The following LMO4 variants were observed in gnomAD, a reference collection of about 807,000 sequenced individuals.
LMO4 encodes LIM domain only 4.
LMO4 carries 3 observed loss-of-function variants against 18.5 expected under a neutral mutation model. That is an observed-to-expected ratio of 0.16 (90% CI 0.07 to 0.42). LMO4 has a LOEUF of 0.42. Ranked by LOEUF, LMO4 falls within the 10% of genes least tolerant of loss-of-function variation. The pLI is 0.99. For synonymous variants in LMO4, 100 were observed against 88.1 expected (o/e 1.14, Z -0.76); for missense variants, 121 against 219.9 (o/e 0.55, Z 2.84).
intron 1 of LMO4, 88 bp from the exon 2 acceptor site, chr1:87,331,925 A>G (rs1191212486): frequency 6.6e-6 from 7 of 1,067,880 alleles, no homozygotes; most frequent in Non-Finnish European, 9.7e-6. Context: ...GAGGAGGGGA[A>G]TGGGCTTGCT....
intron 3 of LMO4, 88 bp downstream of exon 3, chr1:87,339,720 A>G (rs903235584): frequency 1.7e-5 from 14 of 846,714 alleles, no homozygotes; most frequent in Admixed American, 1.6e-4. Flanking sequence ...CTTGGTATGA[A>G]CTGTTTTCTC....
At chr1:87,333,674 G>A (rs1650214468) in intron 2 of LMO4, among the ~76,000 whole-genome samples, 1 of 152,178 alleles carries the variant, frequency 6.6e-6, no homozygotes, top group Admixed American at 6.5e-5. Flanking sequence ...AGAAATACAG[G>A]AAGGGAGAGG....
intron 2 of LMO4, among the ~76,000 whole-genome samples, chr1:87,333,742 T>G (rs183095145): frequency 6.6e-6 from 1 of 152,280 alleles, no homozygotes; most frequent in Admixed American, 6.5e-5. Context: ...CTTTTAGAAG[T>G]AAATGTTGGA....
intron 2 of LMO4, among the ~76,000 whole-genome samples, chr1:87,338,838 G>A (rs1650392268): frequency 6.6e-6 from 1 of 152,224 alleles, no homozygotes; most frequent in South Asian, 2.1e-4. Flanking sequence ...CATTCAGTTT[G>A]TTGCTAGCAG....
In LMO4 at chr1:87,339,690, A is replaced by G. The variant is rs577307043; in HGVS notation, c.333+58A>G. The G allele has an allele frequency of 1.9e-5, 20 of 1,060,180 alleles. No homozygotes were observed. In the African/African-American group the frequency reaches 2.4e-4, roughly 13 times the overall value. The allele number at this position is 1,060,180 out of a possible 1,614,324, so 65.7% of individuals were successfully genotyped here. ...AAAAAATCATACCTTTCCTACCTAC[A>G]TGGGGGCAAAGCATTTCTCCTTGGT... On this transcript the variant is annotated intron_variant, in intron 3 of 4. Coordinates refer to ENST00000370544, the MANE Select transcript of LMO4 (RefSeq NM_006769.4).
rs1650687095 is a variant in LMO4, at chr1:87,348,145, T to C, written c.*3349T>C. On this transcript the variant is annotated 3_prime_UTR_variant, in exon 5 of 5. Transcript: ENST00000370544. ...AATATTTCTTAGGGCCCATAAATCATATAATAAACAGTGAACCCAAGAGCT... is the reference window on the plus strand; with the variant it reads ...AATATTTCTTAGGGCCCATAAATCACATAATAAACAGTGAACCCAAGAGCT... 6.6e-6 allele frequency: 1 copy of C among 152,462 alleles called. No homozygotes were observed. The allele number at this position is 152,462 out of a possible 1,614,324, so 9.4% of individuals were successfully genotyped here.
rs1570271610 is a variant in LMO4, at chr1:87,346,784, A to G, written c.*1988A>G. The stretch of plus-strand genomic sequence containing the variant: ...AGAAAATAATATGAAGAAATCACAT[A>G]TATATGTTTGAATTAGATGTCTGTT... On this transcript the variant is annotated 3_prime_UTR_variant, in exon 5 of 5. Coordinates refer to ENST00000370544, the MANE Select transcript of LMO4 (RefSeq NM_006769.4). 6.6e-6 allele frequency: 1 copy of G among 152,242 alleles called. No homozygotes were observed. The highest frequency in any genetic ancestry group is 1.5e-5 in the Non-Finnish European group (1 of 68,042). 9.4% of individuals were successfully genotyped at this position (152,242 alleles called of 1,614,324 possible).
intron 2 of LMO4, among the ~76,000 whole-genome samples, chr1:87,338,001 T>C (rs1650360571): frequency 6.6e-6 from 1 of 152,202 alleles, no homozygotes; most frequent in Admixed American, 6.5e-5. Flanking sequence ...TGAAATGGAG[T>C]TTTGATTGAA....
At chr1:87,337,542 T>A (rs2100561820) in intron 2 of LMO4, among the ~76,000 whole-genome samples, 1 of 152,344 alleles carries the variant, frequency 6.6e-6, no homozygotes, top group East Asian at 1.9e-4. Context: ...AGGATATTTG[T>A]TCTTTAGCCT....
At chr1:87,342,730 G>A (rs1650530957) in intron 4 of LMO4, among the ~76,000 whole-genome samples, 1 of 152,078 alleles carries the variant, frequency 6.6e-6, no homozygotes, top group African/African-American at 2.4e-5. Context: ...CAATTCACAA[G>A]GTAGTTTTTA....
At chr1:87,341,551 G>A (rs904394563) in intron 4 of LMO4, among the ~76,000 whole-genome samples, 20 of 152,186 alleles carry the variant, frequency 1.3e-4, no homozygotes, top group African/African-American at 4.6e-4. Flanking sequence ...TTCTTAGTGC[G>A]GTGGTGGAGG....
At chr1:87,342,502 TG>T (rs1418154142) in intron 4 of LMO4, among the ~76,000 whole-genome samples, 1 of 152,096 alleles carries the variant, frequency 6.6e-6, no homozygotes, top group African/African-American at 2.4e-5. Context: ...AACCTATTAG[TG>T]TATGTTTTCT....
At chr1:87,339,254 A>C (rs1278233604) in intron 2 of LMO4, among the ~76,000 whole-genome samples, 17 of 152,114 alleles carry the variant, frequency 1.1e-4, no homozygotes. Context: ...TGAACCTAGT[A>C]ATCTGATAAA....
At chr1:87,335,823 G>T (rs1236623197) in intron 2 of LMO4, among the ~76,000 whole-genome samples, 2 of 150,262 alleles carry the variant, frequency 1.3e-5, no homozygotes, top group Non-Finnish European at 2.9e-5. Context: ...TTTGAAGTCT[G>T]CCCACTCAAG....
intron 2 of LMO4, among the ~76,000 whole-genome samples, chr1:87,336,988 A>C (rs1557614656): frequency 6.6e-6 from 1 of 152,158 alleles, no homozygotes; most frequent in African/African-American, 2.4e-5. Context: ...ACACACACAC[A>C]CACGCACACA....
chr1:87,329,346 T>TC (rs1650062159), intron 1 of LMO4, 102 bp downstream of exon 1: 1 of 152,254 alleles, frequency 6.6e-6, no homozygotes, highest in Middle Eastern at 3.4e-3. Context: ...CCCCTGACCG[T>TC]CCCAAATTGC....
intron 3 of LMO4, 150 bp from the exon 4 acceptor site, chr1:87,339,897 T>C (rs918423443): frequency 1.4e-5 from 12 of 867,146 alleles, no homozygotes. Context: ...GCTTACTGTT[T>C]TCTGGAGATC....
chr1:87,334,905 C>G lies in LMO4; in HGVS notation c.236+2654C>G, dbSNP rs1570650563. ...CCTCCATTTTCTTAGTTCTGATGGG[C>G]TTTATCTAATGAGATCTGGTCTCTG... On this transcript the variant is annotated intron_variant, in intron 2 of 4. Coordinates refer to ENST00000370544, the MANE Select transcript of LMO4 (RefSeq NM_006769.4). Among the ~76,000 whole-genome samples the G allele has an allele frequency of 2.6e-5, 4 of 152,248 alleles. No individual in the cohort carries two copies. The East Asian group carries it at 7.7e-4, about 29-fold the overall frequency.
Position 87,339,581 on chromosome 1 carries a change from T to G in LMO4, c.282T>G (p.Ile94Met). ...CTTGCAGCGCTTGCGGACAGTCGAT[T>G]CCTGCGAGTGAACTCGTCATGAGGG... Reference protein sequence around the residue: ...SGACSACGQSIPASELVMRAQ... With the variant: ...SGACSACGQSMPASELVMRAQ... The change falls in exon 3 of 5, where the codon ATT becomes ATG. Residue 94 changes from isoleucine (I) to methionine (M), a missense_variant. Transcript: ENST00000370544. 6.2e-7 allele frequency: 1 copy of G among 1,614,122 alleles called. No individual in the cohort carries two copies. The highest frequency in any genetic ancestry group is 8.5e-7 in the Non-Finnish European group (1 of 1,179,956).
Sources: allele counts gnomAD v4.1 joint callset (sites outside exome capture counted in the v4.1 genomes callset), GRCh38; gene constraint gnomAD v4.1.1; transcripts MANE v1.5; gene names NCBI Gene and HGNC (gene_info 2026-07-23, HGNC 2026-07-21).